Variants in CD44 observed in about 807,000 individuals in gnomAD.
CD44 encodes the protein CD44 molecule (IN blood group), also known as CD44 antigen.
Under a neutral mutation model 88.8 loss-of-function variants are expected in CD44, and 49 were observed. The observed-to-expected ratio is 0.55, with a 90% CI of 0.44 to 0.70. The LOEUF (loss-of-function observed/expected upper bound fraction) is 0.70, where lower values mean the gene tolerates loss of function less well. Ranked by LOEUF, CD44 falls within the 30% of genes least tolerant of loss-of-function variation. CD44 has a pLI of 0.00. For synonymous variants in CD44, 325 were observed against 312.3 expected, an observed-to-expected ratio of 1.04 and a Z score of -0.43; for missense variants, 883 against 913.8, an observed-to-expected ratio of 0.97 and a Z score of 0.43.
chr11:35,175,862 T>C (rs1000245165), intron 1 of CD44, among the ~76,000 whole-genome samples: 48 of 142,006 alleles, frequency 3.4e-4, no homozygotes, highest in African/African-American at 1.2e-3. Context: ...TGTTTGTTTG[T>C]TCTTTTTTTT....
At chr11:35,217,388 G>A (rs1282056637) in intron 15 of CD44, among the ~76,000 whole-genome samples, 2 of 150,712 alleles carry the variant, frequency 1.3e-5, no homozygotes, top group Non-Finnish European at 2.9e-5. Flanking sequence ...GAGAGTGACT[G>A]TACCTCCTGG....
intron 3 of CD44, among the ~76,000 whole-genome samples, chr11:35,186,315 C>CA (rs1945675064): frequency 6.6e-6 from 1 of 152,170 alleles, no homozygotes; most frequent in African/African-American, 2.4e-5. Flanking sequence ...TTCAGATTGT[C>CA]ATGCTGTTCA....
chr11:35,160,415 T>C (rs1244981679), intron 1 of CD44, among the ~76,000 whole-genome samples: 1 of 152,228 alleles, frequency 6.6e-6, no homozygotes, highest in African/African-American at 2.4e-5. Flanking sequence ...GCCAATTGTT[T>C]CTTTTTACTG....
chr11:35,186,804 T>A (rs1425463019), intron 3 of CD44, 28 bp from the exon 4 acceptor site: 4 of 1,374,334 alleles, frequency 2.9e-6, no homozygotes, highest in Admixed American at 3.4e-5. Flanking sequence ...TTTTAAAGGG[T>A]TCTCATCCTT....
chr11:35,140,023 G>C (rs1266854114), intron 1 of CD44, among the ~76,000 whole-genome samples: 1 of 152,208 alleles, frequency 6.6e-6, no homozygotes, highest in Non-Finnish European at 1.5e-5. Flanking sequence ...CTGGGATAGG[G>C]AGCATGAATA....
chr11:35,145,733 C>G (rs1371226655), intron 1 of CD44, among the ~76,000 whole-genome samples: 1 of 152,172 alleles, frequency 6.6e-6, no homozygotes, highest in Non-Finnish European at 1.5e-5. Flanking sequence ...ACCCCCATGT[C>G]TGCTTCTGGA....
In CD44 at chr11:35,207,759, T is replaced by A. The variant is rs571703743; in HGVS notation, c.1415-346T>A. On this transcript the variant is annotated intron_variant, in intron 11 of 17. Transcript: ENST00000428726. ...GCCTGAGCCAGCACACTTTGTCTTT[T>A]CTCCATGTGTCAGATTGCATGTTTC... 2.0e-5 allele frequency among the ~76,000 whole-genome samples: 3 copies of A among 152,336 alleles called. No individual in the cohort carries two copies. The East Asian group carries it at 5.8e-4, about 29-fold the overall frequency.
chr11:35,213,376 C>T (rs1209586004), intron 14 of CD44, among the ~76,000 whole-genome samples: 1 of 152,212 alleles, frequency 6.6e-6, no homozygotes, highest in Admixed American at 6.5e-5. Context: ...ATACATTTTT[C>T]TCAGTCTTTA....
chr11:35,169,331 G>C (rs931735347), intron 1 of CD44, among the ~76,000 whole-genome samples: 1 of 151,940 alleles, frequency 6.6e-6, no homozygotes, highest in Non-Finnish European at 1.5e-5. Flanking sequence ...AGACCTTGAA[G>C]ATAATAATTT....
intron 1 of CD44, among the ~76,000 whole-genome samples, chr11:35,164,238 T>C (rs1943001815): frequency 6.6e-6 from 1 of 152,036 alleles, no homozygotes; most frequent in African/African-American, 2.4e-5. Context: ...AGCTAACTCA[T>C]GTCAGAAACC....
chr11:35,164,790 T>A (rs1042405455), intron 1 of CD44, among the ~76,000 whole-genome samples: 13 of 152,264 alleles, frequency 8.5e-5, no homozygotes, highest in Non-Finnish European at 1.8e-4. Flanking sequence ...ACAAAAATGA[T>A]AATACTAAGC....
At chr11:35,222,442 A>G in intron 17 of CD44, 1 of 1,282,836 alleles carries the variant, frequency 7.8e-7, no homozygotes, top group African/African-American at 1.5e-5. Flanking sequence ...TAGGAGGTCT[A>G]TGAAGCAGAG....
Position 35,206,255 on chromosome 11 carries a change from T to C in CD44, c.1414+12T>C. The C allele has an allele frequency of 1.3e-6, 2 of 1,585,208 alleles. No homozygotes were observed. Among genetic ancestry groups the C allele is most frequent in the East Asian group, 4.5e-5 (2 of 44,058 alleles). On this transcript the variant is annotated intron_variant, in intron 11 of 17. Transcript: ENST00000428726. ...AGGAAGAAGGATGGGTAATAGCCTC[T>C]GAGATTTTTATATATTATGTTTTTT...
rs1188930434 is a variant in CD44 at position 35,231,975 on chromosome 11, A to G, written c.*2642A>G. 1 of 152,230 alleles carries G rather than the reference A, an allele frequency of 6.6e-6. No individual in the cohort carries two copies. Among genetic ancestry groups the G allele is most frequent in the Non-Finnish European group, 1.5e-5 (1 of 68,034 alleles). 9.4% of individuals were successfully genotyped at this position (152,230 alleles called of 1,614,324 possible). ...CAAGCCTGGTAGAATTGGCTTTTCT[A>G]GCAGAACCTTTCCAAAAGTTTTATA... is the stretch of plus-strand genomic sequence containing the variant. On this transcript the variant is annotated 3_prime_UTR_variant, in exon 18 of 18. Coordinates refer to ENST00000428726, the MANE Select transcript of CD44 (RefSeq NM_000610.4).
At chr11:35,221,782 C>A (rs753764864) in intron 17 of CD44, 50 bp downstream of exon 17, 1 of 1,495,888 alleles carries the variant, frequency 6.7e-7, no homozygotes, top group Non-Finnish European at 9.3e-7. Flanking sequence ...ATCATTTAAA[C>A]CTGGGCTTTA....
At position 35,167,541 on chromosome 11, in the gene CD44, A is replaced by G. The variant is rs540351157; in HGVS notation, c.68-9034A>G. 2.0e-5 allele frequency among the ~76,000 whole-genome samples: 3 copies of G among 152,316 alleles called. No homozygotes were observed. The East Asian group carries it at 5.8e-4, about 29-fold the overall frequency. Reference sequence around the variant, plus strand: ...ATCTGTTTTGGACATGAGCTCAGCAAATCAGAGGACAGAAATAGAATCCTG... The same window carrying G: ...ATCTGTTTTGGACATGAGCTCAGCAGATCAGAGGACAGAAATAGAATCCTG... On this transcript the variant is annotated intron_variant, in intron 1 of 17. Transcript: ENST00000428726.
At chr11:35,183,347 AAAAAG>A (rs1388646656) in intron 3 of CD44, among the ~76,000 whole-genome samples, 13 of 152,058 alleles carry the variant, frequency 8.5e-5, no homozygotes, top group African/African-American at 3.1e-4. Context: ...ACAAAAAAAA[AAAAAG>A]AAAGAAACTG....
intron 1 of CD44, among the ~76,000 whole-genome samples, chr11:35,174,535 T>C (rs1373426869): frequency 6.6e-6 from 1 of 152,174 alleles, no homozygotes; most frequent in Non-Finnish European, 1.5e-5. Flanking sequence ...GGTCATATAG[T>C]CCCAGGAGTT....
chr11:35,159,559 A>G (rs1942330174), intron 1 of CD44, among the ~76,000 whole-genome samples: 1 of 152,138 alleles, frequency 6.6e-6, no homozygotes, highest in Non-Finnish European at 1.5e-5. Flanking sequence ...TTCCTGTAGG[A>G]GAAGGGAAAA....
Sources: allele counts gnomAD v4.1 joint callset (sites outside exome capture counted in the v4.1 genomes callset), GRCh38; gene constraint gnomAD v4.1.1; transcripts MANE v1.5; gene names NCBI Gene and HGNC (gene_info 2026-07-23, HGNC 2026-07-21).